The following EMSY variants were observed in gnomAD, a reference collection of about 807,000 sequenced individuals.
The protein encoded by EMSY is BRCA2-interacting transcriptional repressor EMSY.
EMSY carries 26 observed loss-of-function variants against 134.6 expected under a neutral mutation model. The ratio of observed to expected loss-of-function variants is 0.19; its 90% CI spans 0.14 to 0.27. The LOEUF (loss-of-function observed/expected upper bound fraction) is 0.27, where lower values mean the gene tolerates loss of function less well. EMSY is among the 10% of genes least tolerant of loss of function. The pLI is 1.00. For synonymous variants in EMSY, 579 were observed against 577.8 expected (o/e 1.00, Z -0.03); for missense variants, 1,305 against 1,611.4 (o/e 0.81, Z 3.26).
chr11:76,455,636 C>T (rs1947841268), intron 4 of EMSY, among the ~76,000 whole-genome samples: 1 of 151,904 alleles, frequency 6.6e-6, no homozygotes, highest in Non-Finnish European at 1.5e-5. Context: ...AGATTGAGCA[C>T]AAAGGAGGGG....
At chr11:76,479,425 G>C (rs1010041566) in intron 8 of EMSY, among the ~76,000 whole-genome samples, 4 of 152,174 alleles carry the variant, frequency 2.6e-5, no homozygotes, top group African/African-American at 4.8e-5. Flanking sequence ...TTCCACAGAG[G>C]GTAATAAAAT....
At chr11:76,480,788 G>C (rs2135491222) in intron 8 of EMSY, among the ~76,000 whole-genome samples, 1 of 152,318 alleles carries the variant, frequency 6.6e-6, no homozygotes, top group African/African-American at 2.4e-5. Context: ...AGGGTGGGGT[G>C]TTGCCTCACC....
At chr11:76,528,590 T>TC (rs1046630866) in intron 14 of EMSY, 124 bp downstream of exon 15, 6 of 621,158 alleles carry the variant, frequency 9.7e-6, no homozygotes, top group African/African-American at 1.9e-5. Flanking sequence ...TTTTCCTTTT[T>TC]TTTTTTTTTT....
At chr11:76,541,070 G>A (rs1328157451) in intron 17 of EMSY, among the ~76,000 whole-genome samples, 3 of 152,052 alleles carry the variant, frequency 2.0e-5, no homozygotes, top group African/African-American at 7.2e-5. Flanking sequence ...ACTAAAAAAT[G>A]CAAAAATTAG....
chr11:76,528,181 G>T, intron 13 of EMSY, 87 bp from the exon 15 acceptor site: 1 of 1,198,356 alleles, frequency 8.3e-7, no homozygotes, highest in Non-Finnish European at 1.2e-6. Flanking sequence ...TCCATACCAG[G>T]AAAATATTAG....
At chr11:76,445,381 C>G (rs1408505483) in intron 1 of EMSY, among the ~76,000 whole-genome samples, 4 of 152,250 alleles carry the variant, frequency 2.6e-5, no homozygotes, top group Non-Finnish European at 1.5e-5. Flanking sequence ...CTGGCTTACT[C>G]TCTCTCGGTT....
At chr11:76,523,393 A>T in intron 12 of EMSY, 102 bp downstream of exon 13, 2 of 1,342,890 alleles carry the variant, frequency 1.5e-6, no homozygotes, top group Non-Finnish European at 2.0e-6. Flanking sequence ...CAATAGCCAG[A>T]ATGGCTTGGT....
rs74334906 is a variant in EMSY at position 76,478,632 on chromosome 11, C to T, written c.1108+5792C>T. ...CTAGGCTTACAGGTGTGAGCCACCG[C>T]GCCCGGCCGTGAATAATATTTTTTA... is the stretch of plus-strand genomic sequence containing the variant. On this transcript the variant is annotated intron_variant, in intron 8 of 20. Coordinates refer to ENST00000334736, the Ensembl canonical transcript of EMSY. Among the ~76,000 whole-genome samples, 8 of 151,802 alleles carry T rather than the reference C, an allele frequency of 5.3e-5. No homozygotes were observed. In the South Asian group the frequency reaches 1.0e-3, roughly 20 times the overall value.
chr11:76,447,035 CCT>C (rs1947444193), intron 2 of EMSY, 27 bp downstream of exon 2: 1 of 1,607,910 alleles, frequency 6.2e-7, no homozygotes, highest in Non-Finnish European at 8.5e-7. Flanking sequence ...TTGTTTTTTA[CCT>C]CTCTCTGATA....
At chr11:76,542,259 G>T in exon 18 of EMSY, 1 of 1,614,168 alleles carries the variant, frequency 6.2e-7, no homozygotes, top group Non-Finnish European at 8.5e-7. Context: ...AGCCCCAGCG[G>T]ACCCTGCTCC....
chr11:76,539,492 A>C, intron 16 of EMSY, 107 bp from the exon 18 acceptor site: 1 of 1,063,922 alleles, frequency 9.4e-7, no homozygotes, highest in South Asian at 1.4e-5. Flanking sequence ...TAATTCAAGC[A>C]GAGGCCAGTA....
At chr11:76,455,895 G>A (rs879762924) in intron 4 of EMSY, among the ~76,000 whole-genome samples, 5 of 152,132 alleles carry the variant, frequency 3.3e-5, no homozygotes, top group Admixed American at 3.3e-4. Context: ...TGGAATTTCT[G>A]CTCTCTTAAT....
rs549252927 is a variant in EMSY, at chr11:76,507,555, A to G, written c.1364-5831A>G. Among the ~76,000 whole-genome samples, 23 of 152,354 alleles carry G rather than the reference A, an allele frequency of 1.5e-4. No homozygotes were observed. In the East Asian group the frequency reaches 4.2e-3, roughly 28 times the overall value. ...TATTTCATTAGAAGATTCCATCTCA[A>G]GAAACCACATTCGTTGTTCATCCAT... On this transcript the variant is annotated intron_variant, in intron 9 of 20. Transcript: ENST00000334736.
chr11:76,496,820 T>C (rs1329458039), intron 9 of EMSY: 1 of 330,718 alleles, frequency 3.0e-6, no homozygotes, highest in East Asian at 8.4e-5. Context: ...TGTATGCAAC[T>C]ATGTCATCTA....
At chr11:76,446,867 TG>T in intron 1 of EMSY, 32 bp from the exon 2 acceptor site, 1 of 1,477,794 alleles carries the variant, frequency 6.8e-7, no homozygotes. Flanking sequence ...TTTGGTACTT[TG>T]GTAATTTGAC....
intron 2 of EMSY, among the ~76,000 whole-genome samples, chr11:76,447,282 A>G (rs1645828882): frequency 6.6e-6 from 1 of 152,204 alleles, no homozygotes; most frequent in South Asian, 2.1e-4. Context: ...TAATTTAAAT[A>G]TTTTAAGAAT....
intron 4 of EMSY, among the ~76,000 whole-genome samples, chr11:76,455,718 A>G (rs902554147): frequency 2.6e-5 from 4 of 152,156 alleles, no homozygotes; most frequent in Non-Finnish European, 5.9e-5. Flanking sequence ...ACACGTGTTT[A>G]TTGTTTGGCA....
intron 5 of EMSY, 24 bp from the exon 7 acceptor site, chr11:76,459,909 C>G (rs2135061244): frequency 6.2e-7 from 1 of 1,604,604 alleles, no homozygotes; most frequent in South Asian, 1.1e-5. Flanking sequence ...AAGTTAACAG[C>G]AAACTTTTTT....
At chr11:76,521,264 T>G (rs1950627380) in intron 11 of EMSY, among the ~76,000 whole-genome samples, 1 of 152,202 alleles carries the variant, frequency 6.6e-6, no homozygotes, top group Non-Finnish European at 1.5e-5. Context: ...AATAGGATTT[T>G]GAAACATGAG....
Sources: allele counts gnomAD v4.1 joint callset (sites outside exome capture counted in the v4.1 genomes callset), GRCh38; gene constraint gnomAD v4.1.1; transcripts MANE v1.5; gene names NCBI Gene and HGNC (gene_info 2026-07-23, HGNC 2026-07-21).